The following SYMPK variants were observed in gnomAD, a reference collection of about 807,000 sequenced individuals.
SYMPK encodes the protein symplekin.
Under a neutral mutation model 136.4 loss-of-function variants are expected in SYMPK, and 49 were observed. The ratio of observed to expected loss-of-function variants is 0.36; its 90% CI spans 0.29 to 0.46. The LOEUF (loss-of-function observed/expected upper bound fraction) is 0.46, where lower values mean the gene tolerates loss of function less well. SYMPK is among the 20% of genes least tolerant of loss of function. The pLI is 1.00. For synonymous variants in SYMPK, 766 were observed against 713.0 expected (o/e 1.07, Z -1.19); for missense variants, 1,365 against 1,690.0 (o/e 0.81, Z 3.37).
At position 45,818,063 on chromosome 19, in the gene SYMPK, G is replaced by A; in HGVS notation, c.2977C>T (p.Pro993Ser). ...GTCCTCATGAGCAGCATGGGCAGGG[G>A]GCTCTGCTCCATCAGCTGCTGCATC... ...VVMQQLMEQSPLPMLLMRTVI... is the reference protein window; with the variant it reads ...VVMQQLMEQSSLPMLLMRTVI... Residue 993 changes from proline to serine, a missense_variant, in exon 23 of 27, where the codon CCC becomes TCC. Around this residue, in one of 11 missense-constraint regions of SYMPK, gnomAD observed 156 missense variants for 217.8 expected, o/e 0.72. Coordinates refer to ENST00000245934, the MANE Select transcript of SYMPK (RefSeq NM_004819.3). The A allele has an allele frequency of 6.4e-7, 1 of 1,564,974 alleles. No individual in the cohort carries two copies. The highest frequency in any genetic ancestry group is 8.7e-7 in the Non-Finnish European group (1 of 1,154,810).
At position 45,815,710 on chromosome 19, in the gene SYMPK, GAAGGA is replaced by G. The variant is rs999196108; in HGVS notation, c.3688-18_3688-14del. On this transcript the variant is annotated splice_polypyrimidine_tract_variant and intron_variant, in intron 26 of 26. Transcript: ENST00000245934. ...CCGCTGCCGTCTCCTGGTGACCGGG[GAAGGA>G]AAGGGCAGCCGGGTGGAGGGCGCGG... 6.2e-7 allele frequency: 1 copy of G among 1,608,058 alleles called. No individual in the cohort carries two copies. Among genetic ancestry groups the G allele is most frequent in the Non-Finnish European group, 8.5e-7 (1 of 1,177,956 alleles).
chr19:45,848,532 G>C (rs1254959008), intron 6 of SYMPK, among the ~76,000 whole-genome samples: 1 of 152,182 alleles, frequency 6.6e-6, no homozygotes, highest in Non-Finnish European at 1.5e-5. Flanking sequence ...AATGTCTGTT[G>C]AGTGAATAAA....
At chr19:45,846,222 C>A (rs559690058) in intron 7 of SYMPK, among the ~76,000 whole-genome samples, 1 of 152,094 alleles carries the variant, frequency 6.6e-6, no homozygotes, top group African/African-American at 2.4e-5. Context: ...GGTGAAAGAG[C>A]GAGACTCCGT....
Position 45,854,249 on chromosome 19 carries a change from A to AG in SYMPK, c.106-10dup. 1 of 1,613,998 alleles carries AG rather than the reference A, an allele frequency of 6.2e-7. No individual in the cohort carries two copies. Among genetic ancestry groups the AG allele is most frequent in the Non-Finnish European group, 8.5e-7 (1 of 1,179,942 alleles). On this transcript the variant is annotated splice_polypyrimidine_tract_variant and intron_variant, in intron 2 of 26. Transcript: ENST00000245934. ...TTCAGAAGATCCACCACCTGGAAGG[A>AG]GGGGGAGTGGCAGGGGATAGTGCCA...
In SYMPK at chr19:45,824,835, G is replaced by C. The variant is rs532533964; in HGVS notation, c.2490+336C>G. On this transcript the variant is annotated intron_variant, in intron 18 of 26. Transcript: ENST00000245934. ...GCTCATAAAGTGACAGTAACACAGAGGTTTATGTGCCTGAGTTCATGGACT... is the reference window on the plus strand; with the variant it reads ...GCTCATAAAGTGACAGTAACACAGACGTTTATGTGCCTGAGTTCATGGACT... Among the ~76,000 whole-genome samples the C allele has an allele frequency of 5.9e-5, 9 of 152,326 alleles. No homozygotes were observed. The East Asian group carries it at 1.7e-3, about 29-fold the overall frequency.
In SYMPK at chr19:45,821,685, C is replaced by G. The variant is rs765798475; in HGVS notation, c.2792-200G>C. Among the ~76,000 whole-genome samples the G allele has an allele frequency of 6.6e-6, 1 of 152,156 alleles. No homozygotes were observed. Among genetic ancestry groups the G allele is most frequent in the Non-Finnish European group, 1.5e-5 (1 of 68,030 alleles). On this transcript the variant is annotated intron_variant, in intron 21 of 26. Coordinates refer to ENST00000245934, the MANE Select transcript of SYMPK (RefSeq NM_004819.3). The surrounding 1 kb of genome is among the most constrained non-coding windows in gnomAD (Gnocchi z 4.4). ...CAGCCCTCAGGCAGCGTGAGGTTGC[C>G]ACTGTGTGCTCCTCCCCATCCTGGG...
intron 7 of SYMPK, 94 bp from the exon 8 acceptor site, chr19:45,844,294 G>T: frequency 9.8e-7 from 1 of 1,018,184 alleles, no homozygotes; most frequent in Non-Finnish European, 1.4e-6. Context: ...GACAGATCCT[G>T]GTACCTAGAT....
chr19:45,816,610 C>T, intron 24 of SYMPK, 33 bp from the exon 25 acceptor site: 1 of 1,612,136 alleles, frequency 6.2e-7, no homozygotes, highest in Admixed American at 1.7e-5. Context: ...GCGCTGGGGG[C>T]AGCTCTGGCA....
chr19:45,833,018 C>CAAA (rs11392482), intron 11 of SYMPK, among the ~76,000 whole-genome samples: 31 of 124,964 alleles, frequency 2.5e-4, no homozygotes, highest in Admixed American at 2.4e-3. Flanking sequence ...GACTCCATCT[C>CAAA]AAAAAAAAAA....
At position 45,843,962 on chromosome 19, in the gene SYMPK, A is replaced by G. The variant is rs1193638228; in HGVS notation, c.847+68T>C. 25 of 1,056,384 alleles carry G rather than the reference A, an allele frequency of 2.4e-5. 2 individuals carry two copies. The highest frequency in any genetic ancestry group is 2.7e-4 in the Middle Eastern group (1 of 3,714). The allele number at this position is 1,056,384 out of a possible 1,614,324, so 65.4% of individuals were successfully genotyped here. A position where few individuals can be genotyped will look rare whatever the true frequency, so the allele number is the denominator to read the frequency against. On this transcript the variant is annotated intron_variant, in intron 8 of 26. Coordinates refer to ENST00000245934, the MANE Select transcript of SYMPK (RefSeq NM_004819.3). ...TGTCTCAAAAAAAAAAAAAAAAAAA[A>G]AAAAAAAAGAAAGAGCAGACTGGCC...
intron 1 of SYMPK, among the ~76,000 whole-genome samples, chr19:45,861,150 G>C (rs904736696): frequency 9.2e-5 from 14 of 152,100 alleles, no homozygotes; most frequent in Non-Finnish European, 1.5e-4. Flanking sequence ...CAACACCACT[G>C]CACTCCAGCC....
In SYMPK at chr19:45,828,996, C is replaced by G. The variant is rs141129629; in HGVS notation, c.1959G>C (p.Leu653=). The G allele has an allele frequency of 2.0e-5, 32 of 1,614,190 alleles. No individual in the cohort carries two copies. In the African/African-American group the frequency reaches 3.3e-4, roughly 17 times the overall value. ...EDCLIRLLSG[L]QEKPDQKDGI... ...CATCCTTCTGGTCTGGTTTCTCCTG[C>G]AGGCCAGACAACAGGCGGATGAGGC... Residue 653 remains leucine (L), a synonymous_variant, in exon 14 of 27, where the codon CTG becomes CTC. Coordinates refer to ENST00000245934, the MANE Select transcript of SYMPK (RefSeq NM_004819.3).
intron 12 of SYMPK, chr19:45,830,418 G>A (rs1240654008): frequency 2.3e-5 from 13 of 561,336 alleles, no homozygotes; most frequent in East Asian, 6.0e-5. Flanking sequence ...GGCGTCTTAC[G>A]GAAGGCTTCT....
rs139116862 is a variant in SYMPK at position 45,843,866 on chromosome 19, C to T, written c.847+164G>A. 4.0e-3 allele frequency among the ~76,000 whole-genome samples: 536 copies of T among 133,184 alleles called. 1 individual carries two copies. The highest frequency in any genetic ancestry group is 0.015 in the Middle Eastern group (3 of 198). The allele number at this position is 133,184 out of a possible 152,430, so 87.4% of individuals were successfully genotyped here. ...GGCTGAGGCAGGAGAATCACTTGAA[C>T]TGGGGAGGCAGAGGTTGCAGTGAGC... On this transcript the variant is annotated intron_variant, in intron 8 of 26. Transcript: ENST00000245934.
At chr19:45,831,285 A>C in intron 12 of SYMPK, 99 bp downstream of exon 12, 1 of 890,790 alleles carries the variant, frequency 1.1e-6, no homozygotes, top group Non-Finnish European at 1.6e-6. Context: ...TCTCAGTTAC[A>C]CACACACACG....
At chr19:45,852,456 C>T in intron 4 of SYMPK, 26 bp downstream of exon 4, 1 of 1,614,216 alleles carries the variant, frequency 6.2e-7, no homozygotes, top group Non-Finnish European at 8.5e-7. Context: ...TACACCACAC[C>T]CCTTTCTCTT....
intron 11 of SYMPK, among the ~76,000 whole-genome samples, chr19:45,833,869 A>G (rs1482327921): frequency 6.6e-6 from 1 of 152,182 alleles, no homozygotes. Context: ...GAAATATTAC[A>G]GGTCCAGTGC....
chr19:45,823,668 G>T, intron 19 of SYMPK, 99 bp downstream of exon 19: 1 of 1,124,030 alleles, frequency 8.9e-7, no homozygotes, highest in Non-Finnish European at 1.3e-6. Context: ...CCCGCAAGAG[G>T]TACGACCATC....
At chr19:45,831,895 GCAA>G (rs1971185994) in intron 11 of SYMPK, among the ~76,000 whole-genome samples, 1 of 152,102 alleles carries the variant, frequency 6.6e-6, no homozygotes, top group Admixed American at 6.6e-5. Flanking sequence ...GTACGGTGGT[GCAA>G]TCAGGGCTCA....
Sources: allele counts gnomAD v4.1 joint callset (sites outside exome capture counted in the v4.1 genomes callset), GRCh38; gene constraint gnomAD v4.1.1; regional missense constraint gnomAD v4.1.1; non-coding constraint Gnocchi (gnomAD v3.1); transcripts MANE v1.5; gene names NCBI Gene and HGNC (gene_info 2026-07-23, HGNC 2026-07-21).